The following FGF12 variants were observed in gnomAD, a reference collection of about 807,000 sequenced individuals.
FGF12 encodes the protein fibroblast growth factor 12B.
A neutral mutation model predicts 23.6 loss-of-function variants in FGF12; 14 were observed. That is an observed-to-expected ratio of 0.59 (90% confidence interval 0.39 to 0.93). The LOEUF is 0.93. Among genes scored for constraint, FGF12 ranks in the 40% least tolerant of loss-of-function variants. The pLI is 0.00. For synonymous variants in FGF12, 62 were observed against 77.3 expected, an observed-to-expected ratio of 0.80 and a Z score of 1.04; for missense variants, 175 against 217.8, an observed-to-expected ratio of 0.80 and a Z score of 1.24.
intron 4 of FGF12, among the ~76,000 whole-genome samples, chr3:192,217,596 TA>T (rs1335461009): frequency 6.6e-6 from 1 of 152,168 alleles, no homozygotes; most frequent in Non-Finnish European, 1.5e-5. Flanking sequence ...ATCATGTCAA[TA>T]ATGGTTTTAT....
chr3:192,461,043 C>T (rs1478728115), intron 2 of FGF12, among the ~76,000 whole-genome samples: 1 of 152,160 alleles, frequency 6.6e-6, no homozygotes, highest in Non-Finnish European at 1.5e-5. Context: ...AATCCATGAT[C>T]TGTTTCAAGT....
At chr3:192,555,598 CAT>C (rs893828991) in intron 2 of FGF12, among the ~76,000 whole-genome samples, 4 of 126,452 alleles carry the variant, frequency 3.2e-5, no homozygotes, top group Non-Finnish European at 1.6e-5. Flanking sequence ...GCCTGGCCAA[CAT>C]AGCGAGACCC....
chr3:192,638,488 G>A (rs1715665821), intron 2 of FGF12, among the ~76,000 whole-genome samples: 1 of 152,188 alleles, frequency 6.6e-6, no homozygotes, highest in African/African-American at 2.4e-5. Context: ...TCATTAAAAT[G>A]TTACCTGTAG....
At chr3:192,366,185 G>A (rs1462388214) in intron 2 of FGF12, among the ~76,000 whole-genome samples, 1 of 152,040 alleles carries the variant, frequency 6.6e-6, no homozygotes, top group Non-Finnish European at 1.5e-5. Flanking sequence ...GGAGAAGAGA[G>A]GAGAGAATAA....
intron 4 of FGF12, among the ~76,000 whole-genome samples, chr3:192,246,138 A>C (rs894865442): frequency 2.6e-5 from 4 of 152,210 alleles, no homozygotes; most frequent in Non-Finnish European, 5.9e-5. Context: ...CTCCAAAAGC[A>C]TGTTCCAATT....
At chr3:192,157,253 G>A (rs9821178) in intron 5 of FGF12, among the ~76,000 whole-genome samples, 10 of 152,304 alleles carry the variant, frequency 6.6e-5, no homozygotes, top group African/African-American at 2.4e-4. Context: ...AGCATGCACT[G>A]ACCATGTAGC....
intron 4 of FGF12, among the ~76,000 whole-genome samples, chr3:192,242,364 C>A (rs1328753548): frequency 6.6e-6 from 1 of 152,174 alleles, no homozygotes; most frequent in African/African-American, 2.4e-5. Context: ...GTAGCCCTCC[C>A]CTTCCTAGTT....
chr3:192,489,414 T>C (rs1723734177), intron 2 of FGF12, among the ~76,000 whole-genome samples: 1 of 152,076 alleles, frequency 6.6e-6, no homozygotes, highest in Non-Finnish European at 1.5e-5. Flanking sequence ...ACCCATTTAA[T>C]GGCCTATCTA....
chr3:192,471,237 C>T (rs550161822), intron 2 of FGF12, among the ~76,000 whole-genome samples: 9 of 152,216 alleles, frequency 5.9e-5, no homozygotes, highest in South Asian at 4.1e-4. Context: ...GTTTTCAGCC[C>T]GGGAACAGAG....
At chr3:192,614,654 A>C (rs899532328) in intron 2 of FGF12, among the ~76,000 whole-genome samples, 3 of 151,952 alleles carry the variant, frequency 2.0e-5, no homozygotes, top group Non-Finnish European at 4.4e-5. Context: ...CAGTCGTAGG[A>C]GACTACATTT....
chr3:192,697,014 A>G (rs1718146884), intron 2 of FGF12, among the ~76,000 whole-genome samples: 2 of 152,068 alleles, frequency 1.3e-5, no homozygotes, highest in Non-Finnish European at 2.9e-5. Flanking sequence ...CACTACCCTG[A>G]AGATCTGAAC....
At chr3:192,442,707 A>G (rs1414553512) in intron 2 of FGF12, among the ~76,000 whole-genome samples, 1 of 152,238 alleles carries the variant, frequency 6.6e-6, no homozygotes, top group East Asian at 1.9e-4. Context: ...TCTTTTATTC[A>G]GATGGTACCA....
At chr3:192,148,724 A>G (rs984754260) in intron 5 of FGF12, among the ~76,000 whole-genome samples, 1 of 152,188 alleles carries the variant, frequency 6.6e-6, no homozygotes, top group African/African-American at 2.4e-5. Flanking sequence ...TTGCATAGGA[A>G]GAGCCAGCAA....
intron 2 of FGF12, among the ~76,000 whole-genome samples, chr3:192,393,477 G>T (rs979061953): frequency 2.0e-5 from 3 of 152,132 alleles, no homozygotes; most frequent in African/African-American, 7.2e-5. Flanking sequence ...CCTTCTCATG[G>T]TTAAAACTGA....
At chr3:192,711,421 C>T (rs1340798047) in intron 2 of FGF12, among the ~76,000 whole-genome samples, 1 of 150,108 alleles carries the variant, frequency 6.7e-6, no homozygotes, top group Non-Finnish European at 1.5e-5. Flanking sequence ...GCCCCTCTGC[C>T]CGGCCGCCAC....
At chr3:192,205,006 G>A (rs760721368) in intron 4 of FGF12, among the ~76,000 whole-genome samples, 25 of 152,108 alleles carry the variant, frequency 1.6e-4, no homozygotes, top group Non-Finnish European at 2.9e-4. Context: ...CTTAGACTTG[G>A]TCACTATTGA....
intron 5 of FGF12, among the ~76,000 whole-genome samples, chr3:192,158,191 C>T (rs1269576460): frequency 6.6e-6 from 1 of 152,138 alleles, no homozygotes; most frequent in Non-Finnish European, 1.5e-5. Context: ...TCTTTCTGGT[C>T]AATCAGCTCT....
intron 4 of FGF12, among the ~76,000 whole-genome samples, chr3:192,322,049 T>G (rs1716568544): frequency 6.6e-6 from 1 of 151,962 alleles, no homozygotes; most frequent in South Asian, 2.1e-4. Flanking sequence ...GCAGATGATA[T>G]GATAGTATAT....
At chr3:192,390,978 G>T (rs1238121394) in intron 2 of FGF12, among the ~76,000 whole-genome samples, 1 of 152,180 alleles carries the variant, frequency 6.6e-6, no homozygotes, top group South Asian at 2.1e-4. Flanking sequence ...CTACCAGGAG[G>T]TATCTAGCAC....
Sources: gnomAD v4.1 joint callset for allele counts (sites outside exome capture counted in the v4.1 genomes callset) on GRCh38, gnomAD v4.1.1 for gene constraint, MANE v1.5 for transcripts, NCBI Gene and HGNC (gene_info 2026-07-23, HGNC 2026-07-21) for gene names.